MSH3: variants seen among roughly 807,000 people sequenced by gnomAD.
MSH3 encodes mutS homolog 3.
In MSH3, 106 loss-of-function variants were observed where a neutral mutation model predicts 123.3. The ratio of observed to expected loss-of-function variants is 0.86; its 90% confidence interval spans 0.73 to 1.01. The LOEUF (loss-of-function observed/expected upper bound fraction) is 1.01, where lower values mean the gene tolerates loss of function less well. MSH3 is among the 50% of genes least tolerant of loss of function. The probability of loss-of-function intolerance (pLI) is 0.00; values close to 1 mark genes in which losing one functional copy is unlikely to be tolerated. For missense variants in MSH3, 1,459 were observed against 1,347.6 expected, an observed-to-expected ratio of 1.08 and a Z score of -1.29; for synonymous variants, 515 against 481.4, an observed-to-expected ratio of 1.07 and a Z score of -0.91.
chr5:80,857,747 T>G (rs1319920331), intron 21 of MSH3, among the ~76,000 whole-genome samples: 2 of 152,230 alleles, frequency 1.3e-5, no homozygotes, highest in Admixed American at 6.5e-5. Context: ...GTCCTTTTCA[T>G]TTCTGATATT....
intron 8 of MSH3, among the ~76,000 whole-genome samples, chr5:80,693,823 A>C (rs1000129561): frequency 1.3e-5 from 2 of 151,958 alleles, no homozygotes; most frequent in African/African-American, 4.8e-5. Context: ...ACGCCTGGCT[A>C]ATTTTTGCAT....
intron 19 of MSH3, among the ~76,000 whole-genome samples, chr5:80,807,208 A>AAAAAAAAAAAAAAAAAAAAAAAAAAAT (rs1744906894): frequency 6.6e-6 from 1 of 151,624 alleles, no homozygotes; most frequent in African/African-American, 2.4e-5. Context: ...AAAAAAAAAA[A>AAAAAAAAAAAAAAAAAAAAAAAAAAAT]AAAGGAAAAG....
At chr5:80,858,526 T>A (rs780576759) in intron 21 of MSH3, among the ~76,000 whole-genome samples, 8 of 152,216 alleles carry the variant, frequency 5.3e-5, no homozygotes, top group Non-Finnish European at 7.3e-5. Context: ...TCCAGTTACC[T>A]TTTTGTTATG....
At chr5:80,772,243 A>G (rs996176432) in intron 15 of MSH3, among the ~76,000 whole-genome samples, 2 of 152,230 alleles carry the variant, frequency 1.3e-5, no homozygotes, top group African/African-American at 2.4e-5. Context: ...CATGCAGCAT[A>G]TCCAAATACC....
At chr5:80,749,979 C>T (rs1743803220) in intron 12 of MSH3, among the ~76,000 whole-genome samples, 1 of 151,240 alleles carries the variant, frequency 6.6e-6, no homozygotes, top group African/African-American at 2.4e-5. Context: ...TCTGTCTGTG[C>T]CTGGCTTATT....
intron 8 of MSH3, among the ~76,000 whole-genome samples, chr5:80,704,274 A>C (rs919548367): frequency 1.6e-4 from 25 of 152,150 alleles, no homozygotes; most frequent in Non-Finnish European, 3.2e-4. Context: ...GTCACCAAAG[A>C]ATGACTTTTT....
At chr5:80,824,852 T>A (rs1188649908) in intron 20 of MSH3, among the ~76,000 whole-genome samples, 2 of 152,188 alleles carry the variant, frequency 1.3e-5, no homozygotes, top group Non-Finnish European at 2.9e-5. Context: ...ATGACTGCAG[T>A]GTATCTGGAG....
intron 22 of MSH3, among the ~76,000 whole-genome samples, chr5:80,869,330 T>C (rs1014538799): frequency 2.6e-5 from 4 of 152,246 alleles, no homozygotes; most frequent in Admixed American, 6.5e-5. Flanking sequence ...ATTTTAATAA[T>C]GTCCATTTAA....
chr5:80,813,551 G>C (rs1441734383), intron 19 of MSH3, 33 bp from the exon 20 acceptor site: 2 of 1,612,550 alleles, frequency 1.2e-6, no homozygotes, highest in African/African-American at 1.3e-5. Flanking sequence ...AACTTTTCTG[G>C]TACAATAAGT....
intron 19 of MSH3, among the ~76,000 whole-genome samples, chr5:80,801,926 C>T (rs1744796549): frequency 6.6e-6 from 1 of 152,134 alleles, no homozygotes; most frequent in African/African-American, 2.4e-5. Context: ...CTTTTATTTT[C>T]ACACTCTGTT....
intron 12 of MSH3, among the ~76,000 whole-genome samples, chr5:80,747,363 C>T (rs571195750): frequency 5.4e-4 from 82 of 152,156 alleles, no homozygotes; most frequent in African/African-American, 2.0e-3. Flanking sequence ...TCATGTATCT[C>T]TGGGGATCCT....
chr5:80,869,392 T>C (rs1201615508), intron 22 of MSH3, among the ~76,000 whole-genome samples: 1 of 152,212 alleles, frequency 6.6e-6, no homozygotes, highest in Non-Finnish European at 1.5e-5. Context: ...ACTTTTGCTG[T>C]GAGCCTGTAA....
At chr5:80,860,140 G>A (rs894392170) in intron 21 of MSH3, among the ~76,000 whole-genome samples, 18 of 151,332 alleles carry the variant, frequency 1.2e-4, no homozygotes, top group Admixed American at 1.1e-3. Flanking sequence ...ATACATAATC[G>A]CATACACTGT....
intron 16 of MSH3, 131 bp downstream of exon 16, chr5:80,775,889 AC>A (rs1744290795): frequency 1.6e-6 from 1 of 631,228 alleles, no homozygotes; most frequent in African/African-American, 1.9e-5. Context: ...TTCTGATGGA[AC>A]TTTTTTTTTT....
intron 2 of MSH3, among the ~76,000 whole-genome samples, chr5:80,660,817 G>A (rs1213895105): frequency 6.6e-6 from 1 of 151,932 alleles, no homozygotes; most frequent in East Asian, 1.9e-4. Context: ...CCCCACACCC[G>A]AGACAGCCTG....
chr5:80,659,408 C>T (rs1749376573), intron 2 of MSH3, among the ~76,000 whole-genome samples: 1 of 152,134 alleles, frequency 6.6e-6, no homozygotes, highest in African/African-American at 2.4e-5. Context: ...CCTGTTCTGC[C>T]CCAGCACTCC....
chr5:80,666,451 A>G (rs756558516), intron 3 of MSH3, among the ~76,000 whole-genome samples: 1 of 152,112 alleles, frequency 6.6e-6, no homozygotes, highest in Non-Finnish European at 1.5e-5. Context: ...ATATTGATTG[A>G]CTTATCTTAG....
chr5:80,824,887 A>G (rs1745266567), intron 20 of MSH3, among the ~76,000 whole-genome samples: 1 of 151,982 alleles, frequency 6.6e-6, no homozygotes, highest in Non-Finnish European at 1.5e-5. Context: ...GATTTCTTTA[A>G]CCTCTGAGAG....
chr5:80,755,995 C>T (rs1361903293), intron 12 of MSH3, among the ~76,000 whole-genome samples: 1 of 152,090 alleles, frequency 6.6e-6, no homozygotes, highest in Non-Finnish European at 1.5e-5. Context: ...TTATTTAAAA[C>T]AGTCTGATGG....
Sources: allele counts gnomAD v4.1 joint callset (sites outside exome capture counted in the v4.1 genomes callset), GRCh38; gene constraint gnomAD v4.1.1; transcripts MANE v1.5; gene names NCBI Gene and HGNC (gene_info 2026-07-23, HGNC 2026-07-21).